The following ZNF782 variants were observed in gnomAD, a reference collection of about 807,000 sequenced individuals.
The protein encoded by ZNF782 is zinc finger protein 782.
ZNF782 carries 12 observed loss-of-function variants against 13.0 expected under a neutral mutation model. That is an observed-to-expected ratio of 0.92 (90% CI 0.59 to 1.50). The LOEUF (loss-of-function observed/expected upper bound fraction) is 1.50. Among genes scored for constraint, ZNF782 ranks in the 40% most tolerant of loss-of-function variants. ZNF782 has a pLI of 0.00. For missense variants in ZNF782, 770 were observed against 822.9 expected (o/e 0.94, Z 0.79); for synonymous variants, 284 against 283.0 (o/e 1.00, Z -0.04).
rs749403461 is a variant in ZNF782 at position 96,850,509 on chromosome 9, GGCTAGGGAAAGGT to G, written c.15+1425_15+1437del. ...AGAGACCAAGAAGGGGAGGGTGGGA[GGCTAGGGAAAGGT>G]GCTAGGGATAAAAAACTACCTATAA... On this transcript the variant is annotated intron_variant, in intron 3 of 5. Coordinates refer to ENST00000481138, the MANE Select transcript of ZNF782 (RefSeq NM_001001662.3). This position sits in a 1 kb window ranked among gnomAD's most constrained non-coding sequence, Gnocchi z 4.3. Among the ~76,000 whole-genome samples, 6 of 152,058 alleles carry G rather than the reference GGCTAGGGAAAGGT, an allele frequency of 3.9e-5. No homozygotes were observed. The highest frequency in any genetic ancestry group is 1.3e-4 in the Admixed American group (2 of 15,258).
rs4645656 is a variant in ZNF782, at chr9:96,819,529, C to A, written c.494G>T (p.Arg165Leu). 6.2e-7 allele frequency: 1 copy of A among 1,612,330 alleles called. No individual in the cohort carries two copies. Among genetic ancestry groups the A allele is most frequent in the Non-Finnish European group, 8.5e-7 (1 of 1,179,436 alleles). ...CQYSKEKAHERNVCDKWLISI... is the reference protein window; with the variant it reads ...CQYSKEKAHELNVCDKWLISI... The stretch of plus-strand genomic sequence containing the variant: ...GATGAGCCATTTGTCACAAACATTA[C>A]GCTCATGAGCCTTTTCTTTTGAATA... The change falls in exon 6 of 6, where the codon CGT (arginine) becomes CTT (leucine). Residue 165 changes from arginine to leucine, a missense_variant. Physicochemically the swap from Arg to Leu is moderately radical, Grantham distance 102 (BLOSUM62 -2). Coordinates refer to ENST00000481138, the MANE Select transcript of ZNF782 (RefSeq NM_001001662.3).
intron 4 of ZNF782, among the ~76,000 whole-genome samples, chr9:96,842,356 A>C (rs1447912322): frequency 6.6e-6 from 1 of 152,032 alleles, no homozygotes; most frequent in African/African-American, 2.4e-5. Context: ...TGTATATGCA[A>C]AGGTGAAGTA....
chr9:96,863,868 CGGGA>C (rs1320873704), intron 1 of ZNF782, among the ~76,000 whole-genome samples: 2 of 151,736 alleles, frequency 1.3e-5, no homozygotes, highest in African/African-American at 2.4e-5. Context: ...GGAGGAAGGT[CGGGA>C]GGGGGTTGAA....
At chr9:96,918,271 T>C in the ZNF782 span, among the ~76,000 whole-genome samples, 1 of 149,006 alleles carries the variant, frequency 6.7e-6, no homozygotes, top group Admixed American at 6.7e-5. Context: ...CGAGGTGGCC[T>C]GTGCCTGTAG....
the ZNF782 span, among the ~76,000 whole-genome samples, chr9:96,922,177 T>C: frequency 1.3e-5 from 2 of 151,416 alleles, no homozygotes; most frequent in Non-Finnish European, 2.9e-5. Context: ...AGAATACATA[T>C]AATGTCATTT....
chr9:96,841,717 A>T (rs2118687561), intron 4 of ZNF782, among the ~76,000 whole-genome samples: 1 of 152,034 alleles, frequency 6.6e-6, no homozygotes, highest in South Asian at 2.1e-4. Flanking sequence ...AATACAGAAG[A>T]AGTTCCACCA....
At chr9:96,861,838 A>G (rs1015643497) in intron 1 of ZNF782, among the ~76,000 whole-genome samples, 1 of 152,242 alleles carries the variant, frequency 6.6e-6, no homozygotes, top group Non-Finnish European at 1.5e-5. Flanking sequence ...TACAACCACT[A>G]TAGAGAACAG....
rs1376376317 is a variant in ZNF782 at position 96,852,012 on chromosome 9, G to A, written c.-44-7C>T. 1.3e-6 allele frequency: 2 copies of A among 1,592,444 alleles called. No individual in the cohort carries two copies. The highest frequency in any genetic ancestry group is 2.7e-5 in the African/African-American group (2 of 74,436). On this transcript the variant is annotated splice_region_variant and splice_polypyrimidine_tract_variant and intron_variant, in intron 2 of 5. Transcript: ENST00000481138. ...GAGAACTGTAAAGCCTCAGCTGGGG[G>A]GACAGAAAGAGGATGTCACACGGTC...
rs377549825 is a variant in ZNF782 at position 96,817,901 on chromosome 9, C to T, written c.*22G>A. On this transcript the variant is annotated 3_prime_UTR_variant, in exon 6 of 6. Coordinates refer to ENST00000481138, the MANE Select transcript of ZNF782 (RefSeq NM_001001662.3). Reference sequence around the variant, plus strand: ...TTTGATTTCCAGCTCAGAGTTTTTTCGTATTCTTTATATGCATACATTTAA... The same window carrying T: ...TTTGATTTCCAGCTCAGAGTTTTTTTGTATTCTTTATATGCATACATTTAA... 16 of 1,520,094 alleles carry T rather than the reference C, an allele frequency of 1.1e-5. No homozygotes were observed. The highest frequency in any genetic ancestry group is 7.0e-5 in the African/African-American group (5 of 71,722). 94.2% of individuals were successfully genotyped at this position (1,520,094 alleles called of 1,614,324 possible).
intron 1 of ZNF782, among the ~76,000 whole-genome samples, chr9:96,872,131 T>C (rs929317453): frequency 2.0e-5 from 3 of 152,218 alleles, no homozygotes; most frequent in African/African-American, 7.2e-5. Flanking sequence ...AGCTTAGAGA[T>C]TGAAGTATTG....
the ZNF782 span, chr9:96,888,878 T>C: frequency 1.3e-5 from 2 of 152,382 alleles, no homozygotes; most frequent in Admixed American, 1.3e-4. Context: ...ATCGGCCAGA[T>C]GGATCCCACA....
upstream of ZNF782, among the ~76,000 whole-genome samples, chr9:96,876,657 G>GA (rs972770275): frequency 3.9e-5 from 6 of 152,112 alleles, no homozygotes; most frequent in Admixed American, 1.3e-4. Context: ...AGGGTTTCAG[G>GA]AAAGGGGAAC....
the ZNF782 span, among the ~76,000 whole-genome samples, chr9:96,916,234 G>C: frequency 1.3e-5 from 2 of 152,064 alleles, no homozygotes; most frequent in Middle Eastern, 3.4e-3. Flanking sequence ...GCTCACGCCT[G>C]TAATCCCAGC....
chr9:96,911,486 G>A, the ZNF782 span, among the ~76,000 whole-genome samples: 6,116 of 136,762 alleles, frequency 0.045, 453 homozygotes, highest in African/African-American at 0.15. Flanking sequence ...TGTCATTTTT[G>A]CTTTTCTTAC....
the ZNF782 span, among the ~76,000 whole-genome samples, chr9:96,903,948 C>G: frequency 6.6e-6 from 1 of 151,896 alleles, no homozygotes; most frequent in Admixed American, 6.6e-5. Flanking sequence ...TAAAAGGCTG[C>G]CAAGTGTTCT....
At chr9:96,879,195 A>G (rs1479145342), upstream of ZNF782, among the ~76,000 whole-genome samples, 1 of 152,242 alleles carries the variant, frequency 6.6e-6, no homozygotes, top group African/African-American at 2.4e-5. Context: ...TTAAGAAACA[A>G]TGGGATACTT....
At chr9:96,878,073 A>C (rs1420877181), upstream of ZNF782, among the ~76,000 whole-genome samples, 1 of 152,214 alleles carries the variant, frequency 6.6e-6, no homozygotes, top group Non-Finnish European at 1.5e-5. Context: ...TGTTAAGCCT[A>C]GTTTCGCTCT....
chr9:96,859,554 G>T (rs765116774), intron 3 of ZNF782, among the ~76,000 whole-genome samples: 3 of 152,126 alleles, frequency 2.0e-5, no homozygotes, highest in Middle Eastern at 6.3e-3. Context: ...GAAGGACTCA[G>T]TAATGGCAGG....
At chr9:96,910,230 T>C in the ZNF782 span, 5 of 709,272 alleles carry the variant, frequency 7.0e-6, no homozygotes, top group Admixed American at 9.3e-5. Context: ...GACAAGGAGG[T>C]AGATGAAGAA....
Sources: allele counts gnomAD v4.1 joint callset (sites outside exome capture counted in the v4.1 genomes callset), GRCh38; gene constraint gnomAD v4.1.1; non-coding constraint Gnocchi (gnomAD v3.1); transcripts MANE v1.5; gene names NCBI Gene and HGNC (gene_info 2026-07-23, HGNC 2026-07-21).